SLC4A10: variants seen among roughly 807,000 people sequenced by gnomAD.
SLC4A10 encodes solute carrier family 4 member 10.
A neutral mutation model predicts 137.7 loss-of-function variants in SLC4A10; 42 were observed. The observed-to-expected ratio is 0.30, with a 90% confidence interval of 0.24 to 0.39. SLC4A10 has a LOEUF of 0.39. SLC4A10 is among the 10% of genes least tolerant of loss of function. The pLI is 1.00. For synonymous variants in SLC4A10, 474 were observed against 464.1 expected, an observed-to-expected ratio of 1.02 and a Z score of -0.27; for missense variants, 925 against 1,355.0, an observed-to-expected ratio of 0.68 and a Z score of 4.98.
intron 10 of SLC4A10, among the ~76,000 whole-genome samples, chr2:161,884,444 C>T (rs2062061493): frequency 1.3e-5 from 2 of 152,076 alleles, no homozygotes; most frequent in Non-Finnish European, 2.9e-5. Context: ...TCTTGACTAA[C>T]CAAGTGGACA....
At chr2:161,746,192 C>G (rs1321743478) in intron 1 of SLC4A10, among the ~76,000 whole-genome samples, 1 of 152,010 alleles carries the variant, frequency 6.6e-6, no homozygotes, top group Non-Finnish European at 1.5e-5. Flanking sequence ...CCTTCTGACC[C>G]ATGGTGGATC....
intron 1 of SLC4A10, among the ~76,000 whole-genome samples, chr2:161,739,768 G>T (rs2047695857): frequency 6.6e-6 from 1 of 152,170 alleles, no homozygotes; most frequent in Non-Finnish European, 1.5e-5. Context: ...TTGAAAAGTT[G>T]CAAAAGGAAC....
chr2:161,730,339 T>C (rs1040922221), intron 1 of SLC4A10, among the ~76,000 whole-genome samples: 2 of 152,136 alleles, frequency 1.3e-5, no homozygotes, highest in African/African-American at 4.8e-5. Flanking sequence ...ATAAAACAAA[T>C]GCATTGAAAT....
intron 5 of SLC4A10, among the ~76,000 whole-genome samples, chr2:161,859,594 C>CTTTTCTTTTTTT (rs2060300861): frequency 2.1e-5 from 1 of 47,278 alleles, no homozygotes; most frequent in Non-Finnish European, 3.7e-5. Context: ...CTTTTCTTTT[C>CTTTTCTTTTTTT]TTTTTTTTTT....
In SLC4A10 at chr2:161,694,565, A is replaced by C. The variant is rs551080609; in HGVS notation, c.48+69999A>C. Among the ~76,000 whole-genome samples the C allele has an allele frequency of 1.1e-4, 17 of 152,152 alleles. 1 individual carries two copies. The highest frequency in any genetic ancestry group is 4.1e-4 in the African/African-American group (17 of 41,552). On this transcript the variant is annotated intron_variant, in intron 1 of 26. Transcript: ENST00000446997. The stretch of plus-strand genomic sequence containing the variant: ...TACTTTAGAAGTAACAGGAAAAAAA[A>C]CACCTGACTTTGTAAGGATCAAAGC...
At chr2:161,888,274 G>A (rs1236039681) in intron 10 of SLC4A10, among the ~76,000 whole-genome samples, 1 of 152,160 alleles carries the variant, frequency 6.6e-6, no homozygotes, top group East Asian at 1.9e-4. Context: ...TGGCCATACA[G>A]GCTCTATTTT....
chr2:161,761,969 C>T (rs1006148418), intron 1 of SLC4A10, among the ~76,000 whole-genome samples: 2 of 152,068 alleles, frequency 1.3e-5, no homozygotes, highest in Non-Finnish European at 2.9e-5. Context: ...TTTTACCCTC[C>T]AATTCTTATT....
At chr2:161,714,997 G>A (rs557218863) in intron 1 of SLC4A10, among the ~76,000 whole-genome samples, 2 of 151,858 alleles carry the variant, frequency 1.3e-5, no homozygotes, top group South Asian at 4.2e-4. Context: ...ATGCATATAT[G>A]TACACACACA....
chr2:161,721,189 A>G (rs1168585169), intron 1 of SLC4A10, among the ~76,000 whole-genome samples: 1 of 152,218 alleles, frequency 6.6e-6, no homozygotes, highest in Non-Finnish European at 1.5e-5. Flanking sequence ...TAATTGAAGA[A>G]TAATATCTTT....
chr2:161,788,039 G>A (rs2053818273), intron 2 of SLC4A10, among the ~76,000 whole-genome samples: 1 of 152,034 alleles, frequency 6.6e-6, no homozygotes, highest in Non-Finnish European at 1.5e-5. Flanking sequence ...TTGCTTCTAA[G>A]TTTTGAATTT....
At chr2:161,704,854 A>T (rs1450675939) in intron 1 of SLC4A10, among the ~76,000 whole-genome samples, 2 of 151,678 alleles carry the variant, frequency 1.3e-5, no homozygotes, top group African/African-American at 4.8e-5. Flanking sequence ...AGCACTAAAC[A>T]TCTTTGAGCA....
intron 15 of SLC4A10, among the ~76,000 whole-genome samples, chr2:161,931,896 T>C (rs1690459143): frequency 6.6e-6 from 1 of 152,214 alleles, no homozygotes; most frequent in Admixed American, 6.5e-5. Flanking sequence ...GTTATAAAAG[T>C]ATACCTATAT....
chr2:161,783,810 T>C (rs1293288597), intron 2 of SLC4A10, among the ~76,000 whole-genome samples: 1 of 150,234 alleles, frequency 6.7e-6, no homozygotes, highest in Non-Finnish European at 1.5e-5. Context: ...CAACAAAACA[T>C]GAAAAATGAG....
chr2:161,891,889 G>A (rs2126026001), intron 10 of SLC4A10, among the ~76,000 whole-genome samples: 1 of 152,014 alleles, frequency 6.6e-6, no homozygotes, highest in South Asian at 2.1e-4. Flanking sequence ...CTGGTTTTTG[G>A]AATTTTCAGC....
At chr2:161,980,850 T>C (rs1466028538) in intron 26 of SLC4A10, among the ~76,000 whole-genome samples, 2 of 152,224 alleles carry the variant, frequency 1.3e-5, no homozygotes, top group African/African-American at 2.4e-5. Flanking sequence ...ATAATAGATA[T>C]GCAACATATG....
intron 1 of SLC4A10, among the ~76,000 whole-genome samples, chr2:161,724,838 CTAAT>C: frequency 6.6e-6 from 1 of 152,154 alleles, no homozygotes; most frequent in Non-Finnish European, 1.5e-5. Flanking sequence ...ACTGAAACAA[CTAAT>C]TCTTAGTTGT....
intron 1 of SLC4A10, among the ~76,000 whole-genome samples, chr2:161,734,567 GT>G (rs1261662367): frequency 2.0e-5 from 3 of 151,808 alleles, no homozygotes; most frequent in Admixed American, 2.0e-4. Context: ...AATACAAAAT[GT>G]ATTCATTTAT....
chr2:161,894,641 T>G, intron 10 of SLC4A10, 38 bp from the exon 11 acceptor site: 1 of 1,117,832 alleles, frequency 8.9e-7, no homozygotes, highest in Admixed American at 3.8e-5. Context: ...TTTATAATTA[T>G]TTTTAAGCTA....
intron 1 of SLC4A10, among the ~76,000 whole-genome samples, chr2:161,721,865 T>G (rs560141073): frequency 6.6e-6 from 1 of 152,350 alleles, no homozygotes; most frequent in South Asian, 2.1e-4. Flanking sequence ...CTTATAGTTC[T>G]TGGATGTTTT....
Sources: gnomAD v4.1 joint callset for allele counts (sites outside exome capture counted in the v4.1 genomes callset) on GRCh38, gnomAD v4.1.1 for gene constraint, MANE v1.5 for transcripts, NCBI Gene and HGNC (gene_info 2026-07-23, HGNC 2026-07-21) for gene names.